Variants in DCT observed in about 807,000 individuals in gnomAD.
The protein encoded by DCT is L-dopachrome tautomerase.
DCT carries 47 observed loss-of-function variants against 53.0 expected under a neutral mutation model. The ratio of observed to expected loss-of-function variants is 0.89; its 90% confidence interval spans 0.70 to 1.13. The LOEUF is 1.13. Among genes scored for constraint, DCT ranks in the 50% most tolerant of loss-of-function variants. DCT has a pLI of 0.00. For synonymous variants in DCT, 244 were observed against 237.0 expected (o/e 1.03, Z -0.27); for missense variants, 669 against 637.4 (o/e 1.05, Z -0.53).
chr13:94,490,515 A>AAAAAAC, the DCT span, among the ~76,000 whole-genome samples: 15 of 140,348 alleles, frequency 1.1e-4, 1 homozygote, highest in Admixed American at 2.8e-4. Context: ...AAAAAAAAAA[A>AAAAAAC]AAAAAAAAAA....
At chr13:94,523,286 T>A in the DCT span, among the ~76,000 whole-genome samples, 2 of 152,362 alleles carry the variant, frequency 1.3e-5, no homozygotes, top group African/African-American at 4.8e-5. Context: ...TAAGAGCATG[T>A]ACTTAAAATA....
upstream of DCT, among the ~76,000 whole-genome samples, chr13:94,481,593 G>T (rs1885448794): frequency 6.6e-6 from 1 of 152,146 alleles, no homozygotes. Context: ...GAAGTCCTAG[G>T]ATCTCTTTTC....
chr13:94,498,879 C>T, the DCT span, among the ~76,000 whole-genome samples: 2 of 152,152 alleles, frequency 1.3e-5, no homozygotes, highest in South Asian at 2.1e-4. Context: ...ATGCACCAGT[C>T]AGCACTCTGT....
the DCT span, among the ~76,000 whole-genome samples, chr13:94,536,678 C>A: frequency 6.6e-6 from 1 of 152,272 alleles, no homozygotes; most frequent in African/African-American, 2.4e-5. Flanking sequence ...CACGGTGGCT[C>A]ACGCTTGTAA....
chr13:94,530,498 C>T, the DCT span, among the ~76,000 whole-genome samples: 3,404 of 152,158 alleles, frequency 0.022, 123 homozygotes, highest in African/African-American at 0.076. Flanking sequence ...TGCAAATCAA[C>T]GAACGTAATC....
chr13:94,467,211 C>T (rs1294517244), intron 2 of DCT: 1 of 152,262 alleles, frequency 6.6e-6, no homozygotes, highest in Non-Finnish European at 1.5e-5. Flanking sequence ...AGCATGTTCG[C>T]TGAGACCAGA....
intron 4 of DCT, among the ~76,000 whole-genome samples, chr13:94,463,365 T>G (rs1883946896): frequency 6.7e-6 from 1 of 149,246 alleles, no homozygotes; most frequent in South Asian, 2.1e-4. Context: ...AACCTCCACC[T>G]CCTGAGTTCA....
chr13:94,490,523 A>AAAAAAAAAAAAAAAAAAAAAAAAG, the DCT span, among the ~76,000 whole-genome samples: 1 of 148,538 alleles, frequency 6.7e-6, no homozygotes, highest in African/African-American at 2.5e-5. Flanking sequence ...AAAAAAAAAA[A>AAAAAAAAAAAAAAAAAAAAAAAAG]AAAAAAAACA....
At chr13:94,454,417 C>A (rs899136643) in intron 6 of DCT, among the ~76,000 whole-genome samples, 1 of 152,120 alleles carries the variant, frequency 6.6e-6, no homozygotes, top group African/African-American at 2.4e-5. Context: ...ACTTTACAGT[C>A]TGTTGGTTTC....
intron 6 of DCT, among the ~76,000 whole-genome samples, chr13:94,455,701 G>C (rs1883368960): frequency 2.0e-5 from 3 of 152,150 alleles, no homozygotes; most frequent in Admixed American, 2.0e-4. Context: ...CACTTAGCAG[G>C]CTTGTTCAAA....
intron 6 of DCT, among the ~76,000 whole-genome samples, chr13:94,448,561 G>A (rs554428590): frequency 6.6e-6 from 1 of 152,098 alleles, no homozygotes; most frequent in African/African-American, 2.4e-5. Context: ...CTCTGTAAAG[G>A]GTCAAATGTC....
the DCT span, among the ~76,000 whole-genome samples, chr13:94,490,457 A>AT: frequency 7.5e-6 from 1 of 132,816 alleles, no homozygotes; most frequent in Middle Eastern, 4.4e-3. Context: ...GTGAGCCGAG[A>AT]TTGTGCCACT....
At chr13:94,502,765 G>A in the DCT span, among the ~76,000 whole-genome samples, 5 of 151,546 alleles carry the variant, frequency 3.3e-5, no homozygotes, top group Admixed American at 6.6e-5. Flanking sequence ...GCCCTTCAAC[G>A]TGTGGCTGTC....
At chr13:94,489,542 C>A in the DCT span, among the ~76,000 whole-genome samples, 3 of 152,170 alleles carry the variant, frequency 2.0e-5, no homozygotes, top group Non-Finnish European at 4.4e-5. Context: ...GTACTTAGCA[C>A]ATTTTTATTA....
the DCT span, among the ~76,000 whole-genome samples, chr13:94,487,250 G>A: frequency 6.6e-6 from 1 of 152,352 alleles, no homozygotes; most frequent in Admixed American, 6.5e-5. Flanking sequence ...AGAGGCAGCT[G>A]TGTATCATAC....
At chr13:94,524,070 T>C in the DCT span, among the ~76,000 whole-genome samples, 37 of 152,330 alleles carry the variant, frequency 2.4e-4, no homozygotes, top group African/African-American at 7.0e-4. Context: ...TCCCCCTTTA[T>C]AGCAGGAGGA....
chr13:94,442,017 A>ATT (rs112411541), intron 7 of DCT, among the ~76,000 whole-genome samples: 2 of 150,914 alleles, frequency 1.3e-5, no homozygotes, highest in African/African-American at 4.9e-5. Context: ...ACTATTTTCT[A>ATT]TTTTTTTTTG....
At chr13:94,481,337 T>C (rs1166390349), upstream of DCT, among the ~76,000 whole-genome samples, 1 of 152,164 alleles carries the variant, frequency 6.6e-6, no homozygotes, top group Admixed American at 6.5e-5. Flanking sequence ...TAACACATCA[T>C]GGGTGGGAAG....
At chr13:94,494,976 G>A in the DCT span, among the ~76,000 whole-genome samples, 1 of 152,136 alleles carries the variant, frequency 6.6e-6, no homozygotes, top group Non-Finnish European at 1.5e-5. Context: ...ATTATTTACA[G>A]CTTGTCACTT....
Sources: gnomAD v4.1 joint callset for allele counts (sites outside exome capture counted in the v4.1 genomes callset) on GRCh38, gnomAD v4.1.1 for gene constraint, MANE v1.5 for transcripts, NCBI Gene and HGNC (gene_info 2026-07-23, HGNC 2026-07-21) for gene names.